The following ATP11C variants were observed in gnomAD, a reference collection of about 807,000 sequenced individuals.
ATP11C encodes the protein phospholipid-transporting ATPase IG.
A neutral mutation model predicts 97.4 loss-of-function variants in ATP11C; 36 were observed. The observed-to-expected ratio is 0.37, with a 90% confidence interval of 0.28 to 0.49. The LOEUF (loss-of-function observed/expected upper bound fraction) is 0.49. ATP11C is among the 20% of genes least tolerant of loss of function. ATP11C has a pLI of 0.98. For missense variants in ATP11C, 730 were observed against 824.6 expected (o/e 0.89, Z 1.40); for synonymous variants, 275 against 290.9 (o/e 0.95, Z 0.56).
At chrX:139,784,948 T>C (rs907579090) in intron 16 of ATP11C, among the ~76,000 whole-genome samples, 1 of 111,802 alleles carries the variant, frequency 8.9e-6, no homozygotes, top group Non-Finnish European at 1.9e-5. Context: ...AAAGTCATCC[T>C]TTCAGTTCCT....
intron 1 of ATP11C, among the ~76,000 whole-genome samples, chrX:139,900,578 T>C (rs1236301701): frequency 9.0e-6 from 1 of 111,430 alleles, no homozygotes; most frequent in East Asian, 2.8e-4. Context: ...AGGCAGAAGT[T>C]GGAGAACCCT....
At position 139,815,250 on chromosome X, in the gene ATP11C, A is replaced by T. The variant is rs1222947331; in HGVS notation, c.319-265T>A. Among the ~76,000 whole-genome samples the T allele has an allele frequency of 5.3e-5, 6 of 112,244 alleles. No individual in the cohort carries two copies. In the East Asian group the frequency reaches 1.7e-3, roughly 31 times the overall value. ...ATGAAAACACAAGCACTGGAGACTT[A>T]ATATTTTCATGTGTGAAAGGCTATG... On this transcript the variant is annotated intron_variant, in intron 4 of 29. Transcript: ENST00000682941.
At chrX:139,797,144 A>T (rs1453481675) in intron 11 of ATP11C, 32 bp downstream of exon 11, 1 of 1,188,893 alleles carries the variant, frequency 8.4e-7, no homozygotes, top group Non-Finnish European at 1.1e-6. Context: ...GTCACAAAAA[A>T]TAGTTTCAAT....
Position 139,802,288 on chromosome X carries a change from C to T in ATP11C, c.607G>A (p.Asp203Asn). ...TIALCTAESI[D>N]TLRAAIECEQ... ...CATTCAATTGCTGCTCGGAGGGTAT[C>T]GATGGATTCTGCTGTACACAGTGCA... Residue 203 changes from aspartate (D) to asparagine (N), a missense_variant, in exon 7 of 30, where the codon GAT (aspartate) becomes AAT (asparagine). By Grantham distance (23) the Asp-to-Asn change is conservative. Transcript: ENST00000682941. The T allele has an allele frequency of 3.3e-6, 4 of 1,208,559 alleles. No homozygotes were observed. The highest frequency in any genetic ancestry group is 1.8e-5 in the South Asian group (1 of 56,904).
At chrX:139,787,389 C>A (rs1194077916) in intron 14 of ATP11C, 145 bp from the exon 15 acceptor site, 6 of 396,461 alleles carry the variant, frequency 1.5e-5, no homozygotes, top group Non-Finnish European at 1.2e-5. Flanking sequence ...CCTTCACCTC[C>A]CAGTTTCAAG....
intron 29 of ATP11C, among the ~76,000 whole-genome samples, chrX:139,729,598 TG>T (rs2081302450): frequency 8.9e-6 from 1 of 112,060 alleles, no homozygotes. Context: ...TTCATCTTTT[TG>T]GAAGAGAAAC....
chrX:139,744,113 A>C (rs2081628924), intron 25 of ATP11C, among the ~76,000 whole-genome samples: 1 of 111,224 alleles, frequency 9.0e-6, no homozygotes, highest in African/African-American at 3.3e-5. Flanking sequence ...GCATGTGCAC[A>C]TCAAAAAAAA....
At chrX:139,778,042 A>G (rs1259127870) in intron 18 of ATP11C, among the ~76,000 whole-genome samples, 1 of 110,714 alleles carries the variant, frequency 9.0e-6, no homozygotes, top group African/African-American at 3.3e-5. Context: ...ATTTCTGTAG[A>G]GATGGAGTCT....
chrX:139,728,584 T>C lies in ATP11C; in HGVS notation c.*382A>G, dbSNP rs1431374052. ...ATTAGCAAAATCTATTCATTCTCATTGCATAACTTCTACTTCATACTATTG... is the reference window on the plus strand; with the variant it reads ...ATTAGCAAAATCTATTCATTCTCATCGCATAACTTCTACTTCATACTATTG... On this transcript the variant is annotated 3_prime_UTR_variant, in exon 30 of 30. Transcript: ENST00000682941. 2 of 166,099 alleles carry C rather than the reference T, an allele frequency of 1.2e-5. No homozygotes were observed. Among genetic ancestry groups the C allele is most frequent in the African/African-American group, 6.6e-5 (2 of 30,313 alleles). The allele number at this position is 166,099 out of a possible 1,213,427, so 13.7% of individuals were successfully genotyped here.
At chrX:139,817,213 A>T (rs1230835745) in intron 3 of ATP11C, among the ~76,000 whole-genome samples, 1 of 112,309 alleles carries the variant, frequency 8.9e-6, no homozygotes, top group Non-Finnish European at 1.9e-5. Context: ...GCTGAGCACC[A>T]TTCTGTCAGC....
At chrX:139,747,485 G>C (rs1569429716) in intron 24 of ATP11C, among the ~76,000 whole-genome samples, 1 of 111,406 alleles carries the variant, frequency 9.0e-6, no homozygotes, top group African/African-American at 3.3e-5. Flanking sequence ...GAGCAGCAAA[G>C]GCCTGAGCAC....
At chrX:139,933,390 G>A (rs1217408322), upstream of ATP11C, among the ~76,000 whole-genome samples, 1 of 112,112 alleles carries the variant, frequency 8.9e-6, no homozygotes, top group African/African-American at 3.2e-5. Flanking sequence ...AGCTTTCCCT[G>A]GAACGCAAAA....
intron 1 of ATP11C, among the ~76,000 whole-genome samples, chrX:139,892,502 T>G (rs2084745813): frequency 9.0e-6 from 1 of 111,389 alleles, no homozygotes; most frequent in African/African-American, 3.3e-5. Context: ...CAACCACAGG[T>G]ATGGGTCTAG....
rs2081275871 is a variant in ATP11C at position 139,727,776 on chromosome X, T to C, written c.*1190A>G. 8.9e-6 allele frequency: 1 copy of C among 112,268 alleles called. No individual in the cohort carries two copies. Among genetic ancestry groups the C allele is most frequent in the Non-Finnish European group, 1.9e-5 (1 of 53,121 alleles). 9.3% of individuals were successfully genotyped at this position (112,268 alleles called of 1,213,427 possible). A position where few individuals can be genotyped will look rare whatever the true frequency, so the allele number is the denominator to read the frequency against. On this transcript the variant is annotated 3_prime_UTR_variant, in exon 30 of 30. Transcript: ENST00000682941. ...CACATTTATGTTTCAAGTGAACTAATTAGAAGGCTAAACCTTCCTTCTAGT... is the reference window on the plus strand; with the variant it reads ...CACATTTATGTTTCAAGTGAACTAACTAGAAGGCTAAACCTTCCTTCTAGT...
chrX:139,740,686 C>A (rs944087498), intron 27 of ATP11C, among the ~76,000 whole-genome samples: 1 of 111,116 alleles, frequency 9.0e-6, no homozygotes, highest in South Asian at 3.8e-4. Flanking sequence ...CTGAAAATCA[C>A]GAGAGGTTGT....
chrX:139,755,471 TTAGAAA>T (rs2081913942), intron 23 of ATP11C, among the ~76,000 whole-genome samples: 1 of 111,878 alleles, frequency 8.9e-6, no homozygotes, highest in South Asian at 3.7e-4. Flanking sequence ...CTTCACAGAA[TTAGAAA>T]TAAATATTTT....
At chrX:139,936,118 C>T (rs1236098320), upstream of ATP11C, among the ~76,000 whole-genome samples, 2 of 111,271 alleles carry the variant, frequency 1.8e-5, no homozygotes, top group Non-Finnish European at 3.8e-5. Flanking sequence ...GGCAACATAG[C>T]AAGACCTCAT....
chrX:139,770,452 G>A (rs1325367336), intron 19 of ATP11C, among the ~76,000 whole-genome samples: 2 of 112,119 alleles, frequency 1.8e-5, no homozygotes, highest in African/African-American at 6.5e-5. Context: ...AAGGCCTCTG[G>A]TGTGGCCTGA....
At chrX:139,891,197 C>CAAAAAA (rs35280856) in intron 1 of ATP11C, among the ~76,000 whole-genome samples, 10 of 35,472 alleles carry the variant, frequency 2.8e-4, no homozygotes, top group Non-Finnish European at 4.5e-4. Context: ...AGAGATTGGC[C>CAAAAAA]AAAAAAAAAA....
Sources: allele counts gnomAD v4.1 joint callset (sites outside exome capture counted in the v4.1 genomes callset), GRCh38; gene constraint gnomAD v4.1.1; transcripts MANE v1.5; gene names NCBI Gene and HGNC (gene_info 2026-07-23, HGNC 2026-07-21).